The following TRIP12 variants were observed in gnomAD, a reference collection of about 807,000 sequenced individuals.
TRIP12 encodes the protein thyroid hormone receptor interactor 12.
In TRIP12, 25 loss-of-function variants were observed where a neutral mutation model predicts 244.2. The observed-to-expected ratio is 0.10, with a 90% CI of 0.07 to 0.14. TRIP12 has a LOEUF of 0.14. Ranked by LOEUF, TRIP12 falls within the 10% of genes least tolerant of loss-of-function variation. The pLI is 1.00. For missense variants in TRIP12, 1,677 were observed against 2,486.4 expected, an observed-to-expected ratio of 0.67 and a Z score of 6.92; for synonymous variants, 905 against 873.1, an observed-to-expected ratio of 1.04 and a Z score of -0.64.
intron 6 of TRIP12, among the ~76,000 whole-genome samples, chr2:229,836,568 C>A (rs2054879250): frequency 6.6e-6 from 1 of 152,118 alleles, no homozygotes; most frequent in South Asian, 2.1e-4. Context: ...AATTTAAATT[C>A]TTTCAATCAA....
At chr2:229,826,707 G>A (rs1161335940) in intron 8 of TRIP12, among the ~76,000 whole-genome samples, 3 of 152,114 alleles carry the variant, frequency 2.0e-5, no homozygotes, top group African/African-American at 7.2e-5. Flanking sequence ...AACCTGTACA[G>A]CATGTTACTT....
At chr2:229,829,487 T>A (rs898432510) in intron 7 of TRIP12, among the ~76,000 whole-genome samples, 199 bp from the exon 8 acceptor site, 44 of 152,216 alleles carry the variant, frequency 2.9e-4, no homozygotes, top group Admixed American at 1.3e-4. Context: ...TGTGTAAATA[T>A]TTCAAGAAAA....
At chr2:229,877,670 C>T (rs1315753685) in intron 2 of TRIP12, among the ~76,000 whole-genome samples, 3 of 152,166 alleles carry the variant, frequency 2.0e-5, no homozygotes, top group Non-Finnish European at 4.4e-5. Context: ...ATGCAAGAGT[C>T]CCAATGCAAC....
chr2:229,768,732 T>G lies in TRIP12; in HGVS notation c.5904-13A>C. On this transcript the variant is annotated splice_polypyrimidine_tract_variant and intron_variant, in intron 40 of 41. Transcript: ENST00000675903. ...CTTCACAGCCCGACTATAACAGAAA[T>G]AAATATACCAAAATTATTTCATCAG... The G allele has an allele frequency of 6.3e-7, 1 of 1,589,634 alleles. No individual in the cohort carries two copies. Among genetic ancestry groups the G allele is most frequent in the South Asian group, 1.1e-5 (1 of 87,084 alleles).
At chr2:229,916,295 T>C (rs953516519) in intron 1 of TRIP12, among the ~76,000 whole-genome samples, 1 of 152,230 alleles carries the variant, frequency 6.6e-6, no homozygotes, top group African/African-American at 2.4e-5. Context: ...AACCTAAGTC[T>C]TGCCTTCAAA....
chr2:229,922,468 C>G (rs1476366736), upstream of TRIP12: 1 of 1,596,828 alleles, frequency 6.3e-7, no homozygotes, highest in East Asian at 2.2e-5. Context: ...CCCAACCAAG[C>G]CCCGCCCCTT....
rs754946712 is a variant in TRIP12 at position 229,767,625 on chromosome 2, T to C, written c.6133A>G (p.Ser2045Gly). ...VNYLKLPDYS[S>G]IEIMREKLLI... ...AGTTTTTCACGCATTATCTCAATGC[T>C]TGAATAGTCCGGCAACTTAAGATAG... The change falls in exon 42 of 42, where the codon AGC (serine) becomes GGC (glycine). Residue 2045 changes from serine to glycine, a missense_variant. By Grantham distance (56) the Ser-to-Gly change is moderately conservative (BLOSUM62 0). Around this residue, in one of 11 missense-constraint regions of TRIP12, gnomAD observed 171 missense variants for 388.4 expected, o/e 0.44. Coordinates refer to ENST00000675903, the MANE Select transcript of TRIP12 (RefSeq NM_001348323.3). The C allele has an allele frequency of 1.9e-6, 3 of 1,614,076 alleles. No homozygotes were observed. The highest frequency in any genetic ancestry group is 1.3e-5 in the African/African-American group (1 of 74,944).
intron 30 of TRIP12, among the ~76,000 whole-genome samples, chr2:229,790,378 G>C (rs2041152244): frequency 6.6e-6 from 1 of 152,120 alleles, no homozygotes; most frequent in East Asian, 1.9e-4. Context: ...ATAGAAAACA[G>C]CATGTTTAAC....
intron 9 of TRIP12, among the ~76,000 whole-genome samples, chr2:229,815,584 C>A (rs375435315): frequency 1.3e-5 from 2 of 152,044 alleles, no homozygotes; most frequent in East Asian, 3.9e-4. Context: ...TTACTTACAA[C>A]CTATCCTTTT....
In TRIP12 at chr2:229,765,377, A is replaced by G. The variant is rs2031435841; in HGVS notation, c.*2177T>C. On this transcript the variant is annotated 3_prime_UTR_variant, in exon 42 of 42. Coordinates refer to ENST00000675903, the MANE Select transcript of TRIP12 (RefSeq NM_001348323.3). Reference sequence around the variant, plus strand: ...CTCTGGTGCAATAAGGCCTCTGCCAAGAGAGATTACTTTAAGAGTTTTCCT... The same window carrying G: ...CTCTGGTGCAATAAGGCCTCTGCCAGGAGAGATTACTTTAAGAGTTTTCCT... The G allele has an allele frequency of 6.6e-6, 1 of 152,200 alleles. No homozygotes were observed. The highest frequency in any genetic ancestry group is 2.1e-4 in the South Asian group (1 of 4,828). 9.4% of individuals were successfully genotyped at this position (152,200 alleles called of 1,614,324 possible).
rs757217991 is a variant in TRIP12 at position 229,818,337 on chromosome 2, A to G, written c.1599+27T>C. On this transcript the variant is annotated intron_variant, in intron 9 of 41. Transcript: ENST00000675903. Reference sequence around the variant, plus strand: ...CAGATTTCAGAGGACAAATGAGGTAAAAACGAGGGAAAAACATTATGCTTA... The same window carrying G: ...CAGATTTCAGAGGACAAATGAGGTAGAAACGAGGGAAAAACATTATGCTTA... The G allele has an allele frequency of 1.9e-6, 3 of 1,610,802 alleles. No homozygotes were observed. In the South Asian group the frequency reaches 3.3e-5, roughly 18 times the overall value.
intron 15 of TRIP12, among the ~76,000 whole-genome samples, 164 bp from the exon 16 acceptor site, chr2:229,808,533 C>G (rs542989468): frequency 1.3e-5 from 2 of 152,168 alleles, no homozygotes; most frequent in East Asian, 3.9e-4. Flanking sequence ...GTAATAAAGG[C>G]CTAAAAAAAA....
At chr2:229,831,548 T>C (rs760211298) in intron 6 of TRIP12, among the ~76,000 whole-genome samples, 141 of 152,206 alleles carry the variant, frequency 9.3e-4, no homozygotes, top group Non-Finnish European at 1.7e-3. Flanking sequence ...AGAGCACTGC[T>C]TGGGCCCAGG....
chr2:229,790,516 C>T (rs1446603573), intron 30 of TRIP12, among the ~76,000 whole-genome samples: 1 of 83,994 alleles, frequency 1.2e-5, no homozygotes, highest in Non-Finnish European at 2.3e-5. Flanking sequence ...ACTGTGGTGG[C>T]GGCAGGGGGC....
Position 229,783,526 on chromosome 2 carries a change from G to C in TRIP12, c.5094+2231C>G, listed in dbSNP as rs74001427. Among the ~76,000 whole-genome samples the C allele has an allele frequency of 7.2e-3, 1,093 of 152,218 alleles. 16 individuals are homozygous for C. The highest frequency in any genetic ancestry group is 0.025 in the African/African-American group (1,027 of 41,536). Reference sequence around the variant, plus strand: ...ACAAACAACTGAAAATGAAAGAACAGTATCATTTTCAGCTTCATCAAAAAA... The same window carrying C: ...ACAAACAACTGAAAATGAAAGAACACTATCATTTTCAGCTTCATCAAAAAA... On this transcript the variant is annotated intron_variant, in intron 34 of 41. Coordinates refer to ENST00000675903, the MANE Select transcript of TRIP12 (RefSeq NM_001348323.3).
intron 25 of TRIP12, 26 bp downstream of exon 25, chr2:229,796,565 T>A: frequency 6.5e-7 from 1 of 1,537,406 alleles, no homozygotes; most frequent in Non-Finnish European, 8.7e-7. Flanking sequence ...TCTTAAAAGA[T>A]ACACAGGCAT....
intron 8 of TRIP12, among the ~76,000 whole-genome samples, chr2:229,828,464 A>G (rs981960787): frequency 6.6e-6 from 1 of 152,090 alleles, no homozygotes; most frequent in Non-Finnish European, 1.5e-5. Flanking sequence ...TGTATAGATC[A>G]TATTTTGATC....
chr2:229,894,495 T>G (rs536341163), intron 1 of TRIP12: 1 of 152,250 alleles, frequency 6.6e-6, no homozygotes, highest in African/African-American at 2.4e-5. Context: ...AACTATGGGA[T>G]ACACTTTCAT....
At chr2:229,845,163 G>T (rs867178016) in intron 4 of TRIP12, among the ~76,000 whole-genome samples, 3 of 152,202 alleles carry the variant, frequency 2.0e-5, no homozygotes, top group South Asian at 2.1e-4. Context: ...GAGATTGCAA[G>T]TGCTATCTTC....
Sources: allele counts gnomAD v4.1 joint callset (sites outside exome capture counted in the v4.1 genomes callset), GRCh38; gene constraint gnomAD v4.1.1; regional missense constraint gnomAD v4.1.1; transcripts MANE v1.5; gene names NCBI Gene and HGNC (gene_info 2026-07-23, HGNC 2026-07-21).